The following GLB1 variants were observed in gnomAD, a reference collection of about 807,000 sequenced individuals.
GLB1 encodes the protein galactosidase beta 1.
In GLB1, 56 loss-of-function variants were observed where a neutral mutation model predicts 74.0. That is an observed-to-expected ratio of 0.76 (90% CI 0.61 to 0.94). The LOEUF is 0.94. Among genes scored for constraint, GLB1 ranks in the 40% least tolerant of loss-of-function variants. The pLI is 0.00. For synonymous variants in GLB1, 323 were observed against 323.6 expected, an observed-to-expected ratio of 1.00 and a Z score of 0.02; for missense variants, 787 against 845.5, an observed-to-expected ratio of 0.93 and a Z score of 0.86.
In GLB1 at chr3:33,090,495, G is replaced by A. The variant is rs78125532; in HGVS notation, c.75+6516C>T. ...ATCATATACTACAGACACTATTGCT[G>A]ATTTTCAAAAAGCATTGCATTTCAA... is the stretch of plus-strand genomic sequence containing the variant. On this transcript the variant is annotated intron_variant, in intron 1 of 15. Coordinates refer to ENST00000307363, the MANE Select transcript of GLB1 (RefSeq NM_000404.4). The A allele has an allele frequency of 4.9e-3, 4,833 of 985,278 alleles. 153 individuals carry two copies. In the African/African-American group the frequency reaches 0.073, roughly 15 times the overall value. 61.0% of individuals were successfully genotyped at this position (985,278 alleles called of 1,614,324 possible).
Position 32,997,186 on chromosome 3 carries a change from T to G in GLB1, c.1893A>C (p.Pro631=). 6.2e-7 allele frequency: 1 copy of G among 1,614,218 alleles called. No individual in the cohort carries two copies. Among genetic ancestry groups the G allele is most frequent in the Non-Finnish European group, 8.5e-7 (1 of 1,180,042 alleles). Residue 631 remains proline (P), a synonymous_variant, in exon 16 of 16, where the codon CCA becomes CCC. Transcript: ENST00000307363. ...CCACGAACGTCACAGCACATAGTTC[T>G]GGATCATCACTGCTGCAGGGTGCCC... ...LEWAPCSSDD[P]ELCAVTFVDR...
At chr3:33,068,475 C>T (rs1699774665) in intron 3 of GLB1, among the ~76,000 whole-genome samples, 185 bp from the exon 4 acceptor site, 1 of 152,204 alleles carries the variant, frequency 6.6e-6, no homozygotes, top group Admixed American at 6.5e-5. Context: ...CAATTAAGAT[C>T]ACTCTGCATG....
chr3:33,057,963 C>T (rs1264590055), intron 6 of GLB1, 126 bp downstream of exon 6: 9 of 1,290,420 alleles, frequency 7.0e-6, no homozygotes, highest in South Asian at 1.3e-5. Flanking sequence ...TCTACCTGTT[C>T]CTTGAAAAAT....
At chr3:33,046,003 T>C (rs1698724906) in intron 10 of GLB1, 117 bp downstream of exon 10, 4 of 1,328,588 alleles carry the variant, frequency 3.0e-6, no homozygotes, top group Non-Finnish European at 3.1e-6. Context: ...GATGCCTCCC[T>C]TCATCCATCC....
intron 6 of GLB1, among the ~76,000 whole-genome samples, chr3:33,057,680 C>G (rs1305896422): frequency 6.6e-6 from 1 of 152,218 alleles, no homozygotes; most frequent in South Asian, 2.1e-4. Flanking sequence ...CAAGGCATAA[C>G]CCCGAGTGTC....
intron 6 of GLB1, among the ~76,000 whole-genome samples, chr3:33,054,725 C>T (rs974135917): frequency 1.3e-5 from 2 of 152,188 alleles, no homozygotes; most frequent in Non-Finnish European, 2.9e-5. Context: ...AAGTTTTCCT[C>T]ATGAAATGTC....
At chr3:32,975,970 A>AT in the GLB1 span, among the ~76,000 whole-genome samples, 1 of 152,186 alleles carries the variant, frequency 6.6e-6, no homozygotes, top group Non-Finnish European at 1.5e-5. Context: ...ACTGAACTTC[A>AT]TTTTTATTTT....
chr3:33,018,408 C>A (rs1437182282), intron 13 of GLB1, 40 bp downstream of exon 13: 1 of 1,592,410 alleles, frequency 6.3e-7, no homozygotes, highest in Non-Finnish European at 8.6e-7. Flanking sequence ...CATCCCCACC[C>A]TCACTGGGAC....
At chr3:33,064,411 G>A (rs1309444769) in intron 5 of GLB1, among the ~76,000 whole-genome samples, 13 of 137,046 alleles carry the variant, frequency 9.5e-5, no homozygotes, top group Non-Finnish European at 2.0e-4. Flanking sequence ...CTGCATTCCA[G>A]CCTGGGCGAC....
chr3:33,091,556 T>A, intron 1 of GLB1: 1 of 985,410 alleles, frequency 1.0e-6, no homozygotes, highest in Non-Finnish European at 1.2e-6. Flanking sequence ...TAACATTGAG[T>A]GTTTACTGTG....
At chr3:33,034,893 T>C (rs1446553055) in intron 10 of GLB1, 4 of 425,522 alleles carry the variant, frequency 9.4e-6, no homozygotes, top group African/African-American at 2.0e-5. Context: ...AGATGGTTTG[T>C]AATCTACTGT....
intron 3 of GLB1, among the ~76,000 whole-genome samples, 190 bp from the exon 4 acceptor site, chr3:33,068,480 T>G (rs1391038243): frequency 6.6e-6 from 1 of 152,244 alleles, no homozygotes. Flanking sequence ...AAGATCACTC[T>G]GCATGAATGC....
intron 1 of GLB1, among the ~76,000 whole-genome samples, chr3:33,074,386 AAGG>A (rs1201757688): frequency 3.7e-4 from 44 of 120,420 alleles, no homozygotes; most frequent in African/African-American, 1.2e-3. Flanking sequence ...GGAAGGAAGG[AAGG>A]AAGAAAGAAA....
intron 10 of GLB1, chr3:33,045,327 T>C (rs1698697382): frequency 1.0e-6 from 1 of 976,124 alleles, no homozygotes; most frequent in South Asian, 4.8e-5. Flanking sequence ...TTGAGTGCCA[T>C]TTATTTTTAA....
intron 9 of GLB1, among the ~76,000 whole-genome samples, chr3:33,051,233 CAAAAAAAAA>C (rs35399363): frequency 1.3e-5 from 1 of 76,412 alleles, no homozygotes; most frequent in African/African-American, 6.2e-5. Flanking sequence ...GACTGCGTCT[CAAAAAAAAA>C]AAAAAAAAAA....
At chr3:32,976,055 A>G in the GLB1 span, among the ~76,000 whole-genome samples, 850 of 152,254 alleles carry the variant, frequency 5.6e-3, 10 homozygotes, top group African/African-American at 0.019. Context: ...CCCTTTCCTC[A>G]GTAATATCTG....
At chr3:33,038,768 G>A (rs1017666081) in intron 10 of GLB1, among the ~76,000 whole-genome samples, 6 of 152,100 alleles carry the variant, frequency 3.9e-5, no homozygotes, top group Non-Finnish European at 5.9e-5. Context: ...AACCAGAAGC[G>A]GACCAACCCT....
chr3:33,011,638 C>CAAAAAAAAAAAAA (rs11342344), intron 15 of GLB1, among the ~76,000 whole-genome samples: 1 of 84,102 alleles, frequency 1.2e-5, no homozygotes, highest in Non-Finnish European at 2.2e-5. Context: ...GAGTCCATCT[C>CAAAAAAAAAAAAA]AAAAAAAAAA....
At chr3:32,982,204 T>C in the GLB1 span, among the ~76,000 whole-genome samples, 2 of 151,742 alleles carry the variant, frequency 1.3e-5, no homozygotes, top group Admixed American at 1.3e-4. Context: ...TCACAGCTCC[T>C]TGGGAGGCTG....
Sources: gnomAD v4.1 joint callset for allele counts (sites outside exome capture counted in the v4.1 genomes callset) on GRCh38, gnomAD v4.1.1 for gene constraint, MANE v1.5 for transcripts, NCBI Gene and HGNC (gene_info 2026-07-23, HGNC 2026-07-21) for gene names.